DLG2: variants seen among roughly 807,000 people sequenced by gnomAD.
DLG2 encodes disks large homolog 2.
In DLG2, 45 loss-of-function variants were observed where a neutral mutation model predicts 132.5. The observed-to-expected ratio is 0.34, with a 90% CI of 0.27 to 0.44. The LOEUF is 0.44. DLG2 is among the 20% of genes least tolerant of loss of function. The pLI, the probability that DLG2 is intolerant of heterozygous loss-of-function variation, is 1.00. For missense variants in DLG2, 1,045 were observed against 1,196.9 expected, an observed-to-expected ratio of 0.87 and a Z score of 1.87; for synonymous variants, 424 against 419.6, an observed-to-expected ratio of 1.01 and a Z score of -0.13.
At chr11:84,227,552 T>C (rs2097020305) in intron 8 of DLG2, among the ~76,000 whole-genome samples, 1 of 152,202 alleles carries the variant, frequency 6.6e-6, no homozygotes, top group African/African-American at 2.4e-5. Context: ...ATAATCATCT[T>C]GAGGGCAGAA....
rs2099397404 is a variant in DLG2 at position 84,549,515 on chromosome 11, G to A, written c.358-14784C>T. Among the ~76,000 whole-genome samples the A allele has an allele frequency of 2.6e-5, 4 of 152,292 alleles. No individual in the cohort carries two copies. The South Asian group carries it at 8.3e-4, about 32-fold the overall frequency. ...TCAGCAAAATGCTTCCTCAAGCGAT[G>A]CAAATTCCCTGCAGCTCAGTTCCTG... On this transcript the variant is annotated intron_variant, in intron 6 of 27. Coordinates refer to ENST00000376104, the MANE Select transcript of DLG2 (RefSeq NM_001142699.3).
intron 9 of DLG2, among the ~76,000 whole-genome samples, chr11:84,135,194 T>C (rs1171058211): frequency 6.6e-6 from 1 of 152,118 alleles, no homozygotes; most frequent in Admixed American, 6.6e-5. Flanking sequence ...AAATACTTAT[T>C]GACTGACAGA....
intron 8 of DLG2, among the ~76,000 whole-genome samples, chr11:84,249,064 T>G (rs1309773363): frequency 6.6e-6 from 1 of 152,200 alleles, no homozygotes; most frequent in Admixed American, 6.5e-5. Context: ...GATAAATTAT[T>G]TCTACATGAG....
chr11:85,186,556 A>G (rs1213609137), intron 4 of DLG2, among the ~76,000 whole-genome samples: 1 of 152,130 alleles, frequency 6.6e-6, no homozygotes, highest in East Asian at 1.9e-4. Context: ...GTATTTATAG[A>G]ATGACCCAAT....
At chr11:83,723,568 TG>T (rs1593126523) in intron 18 of DLG2, among the ~76,000 whole-genome samples, 1 of 151,932 alleles carries the variant, frequency 6.6e-6, no homozygotes, top group Non-Finnish European at 1.5e-5. Context: ...AGCATTATCT[TG>T]GGGGGCCAGA....
chr11:83,832,229 C>G (rs893149812), intron 17 of DLG2, among the ~76,000 whole-genome samples: 7 of 152,012 alleles, frequency 4.6e-5, no homozygotes, highest in Non-Finnish European at 8.8e-5. Context: ...GATGGTAGAT[C>G]TTATGTTAAT....
At chr11:83,859,554 C>G (rs1278422210) in intron 16 of DLG2, among the ~76,000 whole-genome samples, 1 of 152,158 alleles carries the variant, frequency 6.6e-6, no homozygotes, top group African/African-American at 2.4e-5. Context: ...GCAAAGCATT[C>G]AAGAGGTGAC....
At chr11:83,743,330 A>T (rs1260874236) in intron 18 of DLG2, among the ~76,000 whole-genome samples, 1 of 151,616 alleles carries the variant, frequency 6.6e-6, no homozygotes, top group Non-Finnish European at 1.5e-5. Context: ...ATATCTCTTC[A>T]ATCCATTGTC....
chr11:83,982,401 T>A (rs1304396496), intron 11 of DLG2, among the ~76,000 whole-genome samples: 5 of 150,298 alleles, frequency 3.3e-5, no homozygotes, highest in Non-Finnish European at 7.4e-5. Flanking sequence ...AAGACAATGA[T>A]ACTGATGATC....
chr11:84,696,438 G>T (rs1212328049), intron 6 of DLG2, among the ~76,000 whole-genome samples: 3 of 151,508 alleles, frequency 2.0e-5, no homozygotes, highest in African/African-American at 7.3e-5. Flanking sequence ...TAAAACTCCA[G>T]AATGTAGTTT....
intron 6 of DLG2, among the ~76,000 whole-genome samples, chr11:84,816,582 A>T (rs2153978019): frequency 1.3e-5 from 2 of 152,054 alleles, no homozygotes; most frequent in Middle Eastern, 6.8e-3. Context: ...AATCTGTACT[A>T]TGTACCTTAT....
intron 4 of DLG2, among the ~76,000 whole-genome samples, chr11:85,179,190 A>G (rs546472686): frequency 1.3e-5 from 2 of 152,064 alleles, no homozygotes; most frequent in African/African-American, 4.8e-5. Flanking sequence ...TCACAGTGCC[A>G]TGAGAAAATA....
chr11:84,112,522 A>T, intron 9 of DLG2, among the ~76,000 whole-genome samples: 1 of 148,868 alleles, frequency 6.7e-6, no homozygotes, highest in Non-Finnish European at 1.5e-5. Flanking sequence ...TTACTGAACC[A>T]TGAGAATTTT....
At chr11:85,212,302 A>T (rs1420259668) in intron 4 of DLG2, among the ~76,000 whole-genome samples, 1 of 149,614 alleles carries the variant, frequency 6.7e-6, no homozygotes, top group Non-Finnish European at 1.5e-5. Flanking sequence ...ATTTCCACTC[A>T]CTCCCTCTCC....
At chr11:83,509,956 T>G (rs976518460) in intron 21 of DLG2, among the ~76,000 whole-genome samples, 2 of 152,118 alleles carry the variant, frequency 1.3e-5, no homozygotes, top group African/African-American at 4.8e-5. Context: ...ACAAGATACT[T>G]TGCTTGTGGG....
chr11:84,395,420 C>CT (rs920442606), intron 7 of DLG2, among the ~76,000 whole-genome samples: 1 of 151,856 alleles, frequency 6.6e-6, no homozygotes, highest in African/African-American at 2.4e-5. Flanking sequence ...TCTTCTTTTG[C>CT]TTTTTTCCTT....
intron 6 of DLG2, among the ~76,000 whole-genome samples, chr11:84,773,186 T>C (rs1014123135): frequency 3.3e-5 from 5 of 152,004 alleles, no homozygotes; most frequent in African/African-American, 1.2e-4. Flanking sequence ...CTAAAGGAAA[T>C]GGATAAATTC....
chr11:84,760,295 G>C (rs58193099), intron 6 of DLG2, among the ~76,000 whole-genome samples: 1 of 152,204 alleles, frequency 6.6e-6, no homozygotes, highest in African/African-American at 2.4e-5. Context: ...TTTTGATAAA[G>C]GTTCGGCTTT....
At chr11:85,435,967 T>G (rs2091457660) in intron 3 of DLG2, among the ~76,000 whole-genome samples, 1 of 151,952 alleles carries the variant, frequency 6.6e-6, no homozygotes, top group Non-Finnish European at 1.5e-5. Context: ...AACAGACACA[T>G]AGACCAATGG....
Sources: gnomAD v4.1 joint callset for allele counts (sites outside exome capture counted in the v4.1 genomes callset) on GRCh38, gnomAD v4.1.1 for gene constraint, MANE v1.5 for transcripts, NCBI Gene and HGNC (gene_info 2026-07-23, HGNC 2026-07-21) for gene names.